Variants in CCDC149 observed in about 807,000 individuals in gnomAD.
CCDC149 encodes the protein coiled-coil domain containing 149.
In CCDC149, 45 loss-of-function variants were observed where a neutral mutation model predicts 59.9. That is an observed-to-expected ratio of 0.75 (90% CI 0.59 to 0.96). The LOEUF (loss-of-function observed/expected upper bound fraction) is 0.96. Among genes scored for constraint, CCDC149 ranks in the 40% least tolerant of loss-of-function variants. The pLI, the probability that CCDC149 is intolerant of heterozygous loss-of-function variation, is 0.00. For missense variants in CCDC149, 584 were observed against 664.7 expected (o/e 0.88, Z 1.33); for synonymous variants, 245 against 260.6 (o/e 0.94, Z 0.58).
chr4:24,975,867 A>G (rs1291967708), intron 1 of CCDC149, among the ~76,000 whole-genome samples: 4 of 151,886 alleles, frequency 2.6e-5, no homozygotes, highest in African/African-American at 9.7e-5. Flanking sequence ...CAGGCCCATC[A>G]TTTAACTCAA....
At chr4:24,975,250 A>C (rs955223410) in intron 1 of CCDC149, among the ~76,000 whole-genome samples, 4 of 151,424 alleles carry the variant, frequency 2.6e-5, no homozygotes, top group Admixed American at 1.3e-4. Flanking sequence ...AGCACAAAAC[A>C]GACTAAAACA....
downstream of CCDC149, among the ~76,000 whole-genome samples, chr4:24,804,546 AAAC>A (rs1226118748): frequency 2.0e-5 from 3 of 152,210 alleles, no homozygotes; most frequent in South Asian, 2.1e-4. Flanking sequence ...GGCTGTGGGA[AAAC>A]AACAAAGCCA....
intron 2 of CCDC149, among the ~76,000 whole-genome samples, chr4:24,876,042 T>C (rs1319062438): frequency 6.6e-6 from 1 of 152,116 alleles, no homozygotes; most frequent in Non-Finnish European, 1.5e-5. Flanking sequence ...CCATCCCACC[T>C]GGGATGTGAA....
chr4:24,813,484 T>G (rs1446885271), intron 12 of CCDC149, among the ~76,000 whole-genome samples: 1 of 83,042 alleles, frequency 1.2e-5, no homozygotes, highest in African/African-American at 6.4e-5. Flanking sequence ...AGGTTCAGCT[T>G]GGGGAATATA....
intron 1 of CCDC149, among the ~76,000 whole-genome samples, chr4:24,941,103 GCACCA>G (rs1228825750): frequency 1.3e-5 from 2 of 152,154 alleles, no homozygotes; most frequent in Non-Finnish European, 2.9e-5. Flanking sequence ...ATTCTTTTCA[GCACCA>G]CACCACACCT....
At chr4:24,873,377 G>A (rs1454447178) in intron 3 of CCDC149, among the ~76,000 whole-genome samples, 1 of 152,206 alleles carries the variant, frequency 6.6e-6, no homozygotes, top group Non-Finnish European at 1.5e-5. Flanking sequence ...CCCACAGCAC[G>A]TGCCCACTGA....
intron 9 of CCDC149, among the ~76,000 whole-genome samples, chr4:24,825,177 TGAG>T (rs1489606660): frequency 6.6e-6 from 1 of 152,124 alleles, no homozygotes; most frequent in Admixed American, 6.5e-5. Context: ...CAGGGGATAA[TGAG>T]GAGAAGGAGA....
At chr4:24,815,391 A>G (rs535636505) in intron 12 of CCDC149, among the ~76,000 whole-genome samples, 2 of 152,322 alleles carry the variant, frequency 1.3e-5, no homozygotes, top group South Asian at 4.1e-4. Context: ...TACAGGGGAC[A>G]TGAGAAACAG....
intron 1 of CCDC149, among the ~76,000 whole-genome samples, chr4:24,892,574 G>A (rs922178973): frequency 2.0e-5 from 3 of 152,144 alleles, no homozygotes; most frequent in Non-Finnish European, 4.4e-5. Context: ...CCATAGAAGC[G>A]TCAGCCAAAA....
intron 4 of CCDC149, among the ~76,000 whole-genome samples, chr4:24,846,055 A>G (rs887535991): frequency 1.3e-5 from 2 of 152,230 alleles, no homozygotes; most frequent in Admixed American, 6.5e-5. Context: ...TATGGGATGA[A>G]TATCTGAAAA....
intron 4 of CCDC149, among the ~76,000 whole-genome samples, chr4:24,843,288 T>G (rs1717051785): frequency 6.6e-6 from 1 of 152,188 alleles, no homozygotes; most frequent in Non-Finnish European, 1.5e-5. Flanking sequence ...ATGCTAGCCC[T>G]TTCTTGCCCC....
At chr4:24,867,063 C>T (rs544706876) in intron 3 of CCDC149, among the ~76,000 whole-genome samples, 1 of 152,288 alleles carries the variant, frequency 6.6e-6, no homozygotes, top group Non-Finnish European at 1.5e-5. Flanking sequence ...AACTACAGCA[C>T]CGAACTACAA....
At chr4:24,958,796 C>T (rs1577506703) in intron 1 of CCDC149, among the ~76,000 whole-genome samples, 1 of 152,278 alleles carries the variant, frequency 6.6e-6, no homozygotes, top group African/African-American at 2.4e-5. Context: ...CTTCGGGAGA[C>T]TGAGGCGGGC....
rs192966101 is a variant in CCDC149 at position 24,956,262 on chromosome 4, G to A, written c.-65+23807C>T. Among the ~76,000 whole-genome samples, 18 of 151,698 alleles carry A rather than the reference G, an allele frequency of 1.2e-4. No individual in the cohort carries two copies. The East Asian group carries it at 2.5e-3, about 21-fold the overall frequency. ...CTAACCCCATAACAAGGATTTCTCT[G>A]AACTTGCCCCAGGCCTGATAGTTCC... On this transcript the variant is annotated intron_variant, in intron 1 of 12. Coordinates refer to the CCDC149 transcript ENST00000389609.
At chr4:24,926,981 C>T (rs1019145872) in intron 1 of CCDC149, among the ~76,000 whole-genome samples, 8 of 152,174 alleles carry the variant, frequency 5.3e-5, no homozygotes, top group Admixed American at 4.6e-4. Flanking sequence ...TTGCAGTGGA[C>T]TAAGCAGAAG....
chr4:24,934,470 G>A (rs1322222428), intron 1 of CCDC149, among the ~76,000 whole-genome samples: 1 of 152,128 alleles, frequency 6.6e-6, no homozygotes, highest in Non-Finnish European at 1.5e-5. Context: ...TCTTGGGTAG[G>A]TATTAGCAAC....
At chr4:24,844,878 T>C (rs1229916721) in intron 4 of CCDC149, among the ~76,000 whole-genome samples, 1 of 152,042 alleles carries the variant, frequency 6.6e-6, no homozygotes, top group Non-Finnish European at 1.5e-5. Context: ...TGCCATGCCA[T>C]GCACTATCCT....
rs182361835 is a variant in CCDC149 at position 24,872,923 on chromosome 4, T to C, written c.264+758A>G. Among the ~76,000 whole-genome samples, 147 of 148,598 alleles carry C rather than the reference T, an allele frequency of 9.9e-4. 1 individual carries two copies. Among genetic ancestry groups the C allele is most frequent in the African/African-American group, 3.5e-3 (142 of 40,050 alleles). ...CACCCACTGAACAGTATGTAACCAC[T>C]GAACAGTATGCACCCATAGAACAGT... On this transcript the variant is annotated intron_variant, in intron 3 of 12. Transcript: ENST00000635206.
rs568150516 is a variant in CCDC149 at position 24,954,602 on chromosome 4, A to G, written c.-65+25467T>C. On this transcript the variant is annotated intron_variant, in intron 1 of 12. Coordinates refer to the CCDC149 transcript ENST00000389609. Reference sequence around the variant, plus strand: ...AGCTGCACCTAGGCCCACTTGAGCCACAGCTGGATTTTTTCTAATGCAAGG... The same window carrying G: ...AGCTGCACCTAGGCCCACTTGAGCCGCAGCTGGATTTTTTCTAATGCAAGG... 2.4e-4 allele frequency among the ~76,000 whole-genome samples: 37 copies of G among 152,090 alleles called. No individual in the cohort carries two copies. In the South Asian group the frequency reaches 7.1e-3, roughly 29 times the overall value.
Sources: allele counts gnomAD v4.1 joint callset (sites outside exome capture counted in the v4.1 genomes callset), GRCh38; gene constraint gnomAD v4.1.1; transcripts MANE v1.5; gene names NCBI Gene and HGNC (gene_info 2026-07-23, HGNC 2026-07-21).